The following PPP1R9A variants were observed in gnomAD, a reference collection of about 807,000 sequenced individuals.
PPP1R9A encodes protein phosphatase 1 regulatory subunit 9A.
PPP1R9A carries 59 observed loss-of-function variants against 141.9 expected under a neutral mutation model. The observed-to-expected ratio is 0.42, with a 90% CI of 0.34 to 0.52. PPP1R9A has a LOEUF of 0.52. PPP1R9A is among the 20% of genes least tolerant of loss of function. The pLI, the probability that PPP1R9A is intolerant of heterozygous loss-of-function variation, is 0.10. For synonymous variants in PPP1R9A, 500 were observed against 569.7 expected (o/e 0.88, Z 1.74); for missense variants, 1,444 against 1,611.9 (o/e 0.90, Z 1.78).
chr7:95,047,537 G>A (rs1385840911), intron 2 of PPP1R9A, among the ~76,000 whole-genome samples: 1 of 152,182 alleles, frequency 6.6e-6, no homozygotes, highest in Non-Finnish European at 1.5e-5. Context: ...ATAGTTGAGT[G>A]CCCTAGCTGA....
intron 2 of PPP1R9A, among the ~76,000 whole-genome samples, chr7:95,080,131 A>G (rs1815565792): frequency 6.6e-6 from 1 of 152,198 alleles, no homozygotes; most frequent in African/African-American, 2.4e-5. Flanking sequence ...TCAATTAGGA[A>G]AAGAGGAAGT....
At chr7:94,972,937 T>G (rs1447446045) in intron 2 of PPP1R9A, among the ~76,000 whole-genome samples, 1 of 152,224 alleles carries the variant, frequency 6.6e-6, no homozygotes, top group Non-Finnish European at 1.5e-5. Context: ...TTTCATGTTC[T>G]TTCCATTCCA....
chr7:95,284,885 A>G (rs1771852881), intron 17 of PPP1R9A, among the ~76,000 whole-genome samples: 1 of 152,228 alleles, frequency 6.6e-6, no homozygotes, highest in African/African-American at 2.4e-5. Context: ...TATGGTGGCT[A>G]ACTTTCACAC....
chr7:95,165,579 A>G (rs371462848), intron 5 of PPP1R9A, among the ~76,000 whole-genome samples: 9 of 152,370 alleles, frequency 5.9e-5, no homozygotes, highest in African/African-American at 1.9e-4. Context: ...CTTGACTCAC[A>G]GAAACTATGG....
chr7:95,286,872 G>T (rs557084360), intron 18 of PPP1R9A, among the ~76,000 whole-genome samples: 1 of 152,272 alleles, frequency 6.6e-6, no homozygotes, highest in East Asian at 1.9e-4. Context: ...TTGAAAAATG[G>T]AGGGAGGACA....
chr7:95,209,423 T>C (rs2152904404), intron 7 of PPP1R9A, among the ~76,000 whole-genome samples: 1 of 152,202 alleles, frequency 6.6e-6, no homozygotes, highest in South Asian at 2.1e-4. Context: ...CTGCGGGTGT[T>C]TGTGGGAAGC....
Position 95,021,902 on chromosome 7 carries a change from G to A in PPP1R9A, c.1396-89357G>A, listed in dbSNP as rs143651474. On this transcript the variant is annotated intron_variant, in intron 2 of 19. Coordinates refer to ENST00000433360, the MANE Select transcript of PPP1R9A (RefSeq NM_001166160.2). ...GTAGTGTAGTTTGAAGTTAGGTAGC[G>A]TGATGGCTCCAGCTTTGTTCTTTTT... Among the ~76,000 whole-genome samples, 1,042 of 152,208 alleles carry A rather than the reference G, an allele frequency of 6.8e-3. 13 individuals carry two copies. Among genetic ancestry groups the A allele is most frequent in the African/African-American group, 0.023 (963 of 41,540 alleles).
At chr7:95,121,922 G>A (rs1373154772) in intron 4 of PPP1R9A, among the ~76,000 whole-genome samples, 3 of 152,054 alleles carry the variant, frequency 2.0e-5, no homozygotes, top group Admixed American at 1.3e-4. Flanking sequence ...GTTAAGGATC[G>A]TTTTCAACAT....
rs530432673 is a variant in PPP1R9A, at chr7:95,288,447, C to G, written c.3730-89C>G. ...TTTTGGTTTAAACATAAATGTGGCT[C>G]TCATAGGTTAAGAAATTCCTTTTGA... On this transcript the variant is annotated intron_variant, in intron 18 of 19. Transcript: ENST00000433360. 20 of 1,509,908 alleles carry G rather than the reference C, an allele frequency of 1.3e-5. No homozygotes were observed. The South Asian group carries it at 2.2e-4, about 17-fold the overall frequency. The allele number at this position is 1,509,908 out of a possible 1,614,324, so 93.5% of individuals were successfully genotyped here.
intron 2 of PPP1R9A, among the ~76,000 whole-genome samples, chr7:94,947,775 A>C (rs1796051224): frequency 6.6e-6 from 1 of 152,158 alleles, no homozygotes; most frequent in Non-Finnish European, 1.5e-5. Context: ...ATTTGTAATA[A>C]GTTTCATGAA....
At chr7:95,242,875 C>T (rs1797647693) in intron 8 of PPP1R9A, among the ~76,000 whole-genome samples, 1 of 152,132 alleles carries the variant, frequency 6.6e-6, no homozygotes, top group Non-Finnish European at 1.5e-5. Flanking sequence ...GCATCTCAGG[C>T]TCTATTTCTA....
chr7:95,138,386 T>C lies in PPP1R9A; in HGVS notation c.1649+17554T>C, dbSNP rs574864388. On this transcript the variant is annotated intron_variant, in intron 4 of 19. Transcript: ENST00000433360. ...ATATACAAAGTTAATTCAAAATTAATTGTAGATCTGGACATAGGTCTAATA... is the reference window on the plus strand; with the variant it reads ...ATATACAAAGTTAATTCAAAATTAACTGTAGATCTGGACATAGGTCTAATA... Among the ~76,000 whole-genome samples the C allele has an allele frequency of 4.8e-4, 73 of 152,102 alleles. 1 individual carries two copies. The highest frequency in any genetic ancestry group is 1.7e-3 in the African/African-American group (72 of 41,452).
At chr7:95,037,722 T>TGCAC (rs1381639465) in intron 2 of PPP1R9A, among the ~76,000 whole-genome samples, 2 of 152,162 alleles carry the variant, frequency 1.3e-5, no homozygotes, top group African/African-American at 4.8e-5. Context: ...TGTGTGTGCG[T>TGCAC]GCACACACGT....
intron 2 of PPP1R9A, among the ~76,000 whole-genome samples, chr7:95,068,566 C>G (rs940355923): frequency 2.0e-5 from 3 of 151,642 alleles, no homozygotes; most frequent in Non-Finnish European, 4.4e-5. Context: ...AGTTTTATGC[C>G]TCTTTTAATG....
At chr7:94,996,594 G>A (rs1802199417) in intron 2 of PPP1R9A, among the ~76,000 whole-genome samples, 1 of 151,994 alleles carries the variant, frequency 6.6e-6, no homozygotes, top group African/African-American at 2.4e-5. Context: ...GAAATTATTG[G>A]CCACTGTTTC....
In PPP1R9A at chr7:94,910,707, C is replaced by T. The variant is rs1283647322; in HGVS notation, c.594C>T (p.Val198=). The change falls in exon 2 of 20, where the codon GTC becomes GTT. Residue 198 remains valine, a synonymous_variant. Coordinates refer to ENST00000433360, the MANE Select transcript of PPP1R9A (RefSeq NM_001166160.2). This position sits in a 1 kb window ranked among gnomAD's most constrained non-coding sequence, Gnocchi z 4.5. ...LDSLSSRTEA[V]SPTVSQLSAV... ...GCCTTAGCTCCCGAACTGAGGCTGT[C>T]TCCCCAACTGTGAGTCAACTGAGTG... 1.2e-6 allele frequency: 2 copies of T among 1,614,206 alleles called. No homozygotes were observed. Among genetic ancestry groups the T allele is most frequent in the East Asian group, 2.2e-5 (1 of 44,878 alleles).
chr7:95,215,278 A>G (rs1793100513), intron 7 of PPP1R9A, among the ~76,000 whole-genome samples: 1 of 151,984 alleles, frequency 6.6e-6, no homozygotes. Context: ...AGCTTCATCC[A>G]TGTCCCAACA....
chr7:95,174,786 A>C (rs1250140626), intron 5 of PPP1R9A, among the ~76,000 whole-genome samples: 1 of 152,258 alleles, frequency 6.6e-6, no homozygotes, highest in Non-Finnish European at 1.5e-5. Flanking sequence ...TTTATCAAAC[A>C]TGAATTTGCA....
In PPP1R9A at chr7:95,269,221, C is replaced by T. The variant is rs771217847; in HGVS notation, c.2838C>T (p.Phe946=). 3 of 1,538,218 alleles carry T rather than the reference C, an allele frequency of 2.0e-6. No individual in the cohort carries two copies. The South Asian group carries it at 3.4e-5, about 17-fold the overall frequency. ...DSLERKPSNS[F]YNHMHITKLL... ...TATACCAACAGCCATCAAACAGTTT[C>T]TATAACCACATGCATATTACCAAAT... is the stretch of plus-strand genomic sequence containing the variant. Residue 946 remains phenylalanine, a synonymous_variant, in exon 14 of 20, where the codon TTC becomes TTT. Coordinates refer to ENST00000433360, the MANE Select transcript of PPP1R9A (RefSeq NM_001166160.2).
Sources: gnomAD v4.1 joint callset for allele counts (sites outside exome capture counted in the v4.1 genomes callset) on GRCh38, gnomAD v4.1.1 for gene constraint, Gnocchi (gnomAD v3.1) non-coding constraint, MANE v1.5 for transcripts, NCBI Gene and HGNC (gene_info 2026-07-23, HGNC 2026-07-21) for gene names.